The following SCAF8 variants were observed in gnomAD, a reference collection of about 807,000 sequenced individuals.
SCAF8 encodes the protein SR-related CTD associated factor 8.
A neutral mutation model predicts 140.5 loss-of-function variants in SCAF8; 23 were observed. The ratio of observed to expected loss-of-function variants is 0.16; its 90% CI spans 0.12 to 0.23. The LOEUF (loss-of-function observed/expected upper bound fraction) is 0.23, where lower values mean the gene tolerates loss of function less well. Among genes scored for constraint, SCAF8 ranks in the 10% least tolerant of loss-of-function variants. The pLI is 1.00. For synonymous variants in SCAF8, 575 were observed against 528.9 expected (o/e 1.09, Z -1.20); for missense variants, 1,397 against 1,555.7 (o/e 0.90, Z 1.72).
At chr6:154,798,934 G>A (rs931070292) in intron 6 of SCAF8, among the ~76,000 whole-genome samples, 1 of 150,758 alleles carries the variant, frequency 6.6e-6, no homozygotes, top group African/African-American at 2.4e-5. Context: ...CAAGTAGCTG[G>A]GACTACACCT....
Position 154,733,662 on chromosome 6 carries a change from C to G in SCAF8, c.-239C>G. 7.7e-7 allele frequency: 1 copy of G among 1,301,014 alleles called. No homozygotes were observed. Among genetic ancestry groups the G allele is most frequent in the Non-Finnish European group, 9.7e-7 (1 of 1,028,102 alleles). The allele number at this position is 1,301,014 out of a possible 1,614,324, so 80.6% of individuals were successfully genotyped here. ...CCGCCGACCCGCCCCGGCAGCGCCTCTGTTCCCTAGAACGGCGCTCCCCCC... is the reference window on the plus strand; with the variant it reads ...CCGCCGACCCGCCCCGGCAGCGCCTGTGTTCCCTAGAACGGCGCTCCCCCC... On this transcript the variant is annotated 5_prime_UTR_variant, in exon 1 of 20. Transcript: ENST00000367178.
chr6:154,757,900 T>G (rs1289211430), intron 1 of SCAF8, among the ~76,000 whole-genome samples: 2 of 151,552 alleles, frequency 1.3e-5, no homozygotes, highest in Non-Finnish European at 2.9e-5. Context: ...GTATGTGAAG[T>G]AAGTTTCACT....
Position 154,822,305 on chromosome 6 carries a change from G to A in SCAF8, c.1822G>A (p.Val608Ile), listed in dbSNP as rs763511935. The change falls in exon 16 of 20, where the codon GTT becomes ATT. Residue 608 changes from valine (V) to isoleucine (I), a missense_variant. Physicochemically the swap from Val to Ile is conservative, Grantham distance 29. This residue lies in a region of SCAF8 where 930 missense variants were observed against 874.6 expected (regional missense o/e 1.06). Coordinates refer to ENST00000367178, the MANE Select transcript of SCAF8 (RefSeq NM_014892.5). ...EWETVKSSEP[V>I]KETVQTTQSP... ...GGAAACTGTGAAAAGCTCAGAACCT[G>A]TTAAAGAGACGGTCCAGACAACTCA... The A allele has an allele frequency of 2.5e-6, 4 of 1,613,036 alleles. No homozygotes were observed. Among genetic ancestry groups the A allele is most frequent in the East Asian group, 4.5e-5 (2 of 44,880 alleles).
At position 154,832,268 on chromosome 6, in the gene SCAF8, C is replaced by G. The variant is rs745485641; in HGVS notation, c.2689C>G (p.Leu897Val). The G allele has an allele frequency of 1.2e-6, 2 of 1,614,010 alleles. No individual in the cohort carries two copies. The highest frequency in any genetic ancestry group is 2.7e-5 in the African/African-American group (2 of 74,904). The stretch of plus-strand genomic sequence containing the variant: ...AAATGTTCCAAATACTCCTGGACTT[C>G]TGGGAACACAGCCACCAGCTGGACC... ...PPNVPNTPGLLGTQPPAGPQN... is the reference protein window; with the variant it reads ...PPNVPNTPGLVGTQPPAGPQN... The change falls in exon 20 of 20, where the codon CTG becomes GTG. Residue 897 changes from leucine to valine, a missense_variant. Leu to Val is a conservative substitution (Grantham distance 32). This residue lies in a region of SCAF8 where 930 missense variants were observed against 874.6 expected (regional missense o/e 1.06). Coordinates refer to ENST00000367178, the MANE Select transcript of SCAF8 (RefSeq NM_014892.5).
At chr6:154,808,544 G>C in intron 10 of SCAF8, 142 bp from the exon 11 acceptor site, 1 of 603,984 alleles carries the variant, frequency 1.7e-6, no homozygotes, top group Admixed American at 2.9e-5. Flanking sequence ...TTCTAATGGG[G>C]CCCAGGGAAG....
In SCAF8 at chr6:154,807,965, G is replaced by T; in HGVS notation, c.982-105G>T. ...TAACATGGAATTTCTTTTATGTATG[G>T]CTCATGTTTTTAAACATGTAATTGT... is the stretch of plus-strand genomic sequence containing the variant. On this transcript the variant is annotated intron_variant, in intron 9 of 19. Coordinates refer to ENST00000367178, the MANE Select transcript of SCAF8 (RefSeq NM_014892.5). The T allele has an allele frequency of 8.3e-6, 8 of 964,826 alleles. No individual in the cohort carries two copies. In the South Asian group the frequency reaches 9.9e-5, roughly 12 times the overall value. The allele number at this position is 964,826 out of a possible 1,614,324, so 59.8% of individuals were successfully genotyped here.
chr6:154,810,919 G>A (rs896119508), intron 12 of SCAF8, among the ~76,000 whole-genome samples: 2 of 152,148 alleles, frequency 1.3e-5, no homozygotes, highest in African/African-American at 2.4e-5. Flanking sequence ...AACATTGATT[G>A]TGTTATCTAA....
At chr6:154,792,753 C>A in intron 4 of SCAF8, 70 bp from the exon 5 acceptor site, 1 of 1,048,914 alleles carries the variant, frequency 9.5e-7, no homozygotes, top group Non-Finnish European at 1.4e-6. Flanking sequence ...GCCCAGATAG[C>A]CTCTATGAAA....
intron 4 of SCAF8, among the ~76,000 whole-genome samples, chr6:154,788,325 G>A (rs1379412701): frequency 6.6e-6 from 1 of 152,168 alleles, no homozygotes; most frequent in Non-Finnish European, 1.5e-5. Flanking sequence ...GTGTGTAGTA[G>A]GCTATACCGT....
Position 154,832,167 on chromosome 6 carries a change from C to T in SCAF8, c.2588C>T (p.Ser863Leu), listed in dbSNP as rs1388140916. 1 of 1,614,078 alleles carries T rather than the reference C, an allele frequency of 6.2e-7. No individual in the cohort carries two copies. Among genetic ancestry groups the T allele is most frequent in the African/African-American group, 1.3e-5 (1 of 75,020 alleles). Residue 863 changes from serine to leucine, a missense_variant, in exon 20 of 20, where the codon TCA becomes TTA. Physicochemically the swap from Ser to Leu is moderately radical, Grantham distance 145. Transcript: ENST00000367178. ...GILGIQPPSV[S>L]NSSGLLGVLP... ...TTGGGAATACAGCCACCCAGTGTGTCAAATAGTTCTGGACTTTTGGGAGTG... is the reference window on the plus strand; with the variant it reads ...TTGGGAATACAGCCACCCAGTGTGTTAAATAGTTCTGGACTTTTGGGAGTG...
chr6:154,780,834 C>T (rs1202119139), intron 3 of SCAF8, among the ~76,000 whole-genome samples: 3 of 152,074 alleles, frequency 2.0e-5, no homozygotes, highest in African/African-American at 7.2e-5. Flanking sequence ...AGTAAACATA[C>T]GTGTGCATGC....
intron 1 of SCAF8, among the ~76,000 whole-genome samples, chr6:154,756,229 C>G: frequency 6.6e-6 from 1 of 152,274 alleles, no homozygotes; most frequent in East Asian, 1.9e-4. Flanking sequence ...AACAAAGATG[C>G]TCCGTCACCA....
At chr6:154,808,635 C>A in intron 10 of SCAF8, 51 bp from the exon 11 acceptor site, 1 of 1,139,198 alleles carries the variant, frequency 8.8e-7, no homozygotes, top group Non-Finnish European at 1.3e-6. Flanking sequence ...CAATGTATAA[C>A]TCTGTCTCAA....
chr6:154,733,774 A>G lies in SCAF8; in HGVS notation c.-127A>G. ...CCCTTCCACTCCGCCCCGAGGTCGC[A>G]GCGGCCCGCTCTCCCGCCAGCGCCC... On this transcript the variant is annotated 5_prime_UTR_variant, in exon 1 of 20. Transcript: ENST00000367178. 2 of 1,370,066 alleles carry G rather than the reference A, an allele frequency of 1.5e-6. No homozygotes were observed. Among genetic ancestry groups the G allele is most frequent in the Non-Finnish European group, 1.9e-6 (2 of 1,064,874 alleles). The allele number at this position is 1,370,066 out of a possible 1,614,324, so 84.9% of individuals were successfully genotyped here.
At chr6:154,737,681 A>C (rs1194910738) in intron 1 of SCAF8, among the ~76,000 whole-genome samples, 4 of 152,090 alleles carry the variant, frequency 2.6e-5, no homozygotes, top group African/African-American at 9.7e-5. Context: ...TGGCCCGGGC[A>C]ACAGTGCGAC....
intron 9 of SCAF8, among the ~76,000 whole-genome samples, chr6:154,807,117 T>G (rs1265578983): frequency 1.3e-5 from 2 of 152,202 alleles, no homozygotes; most frequent in African/African-American, 4.8e-5. Context: ...TTTATGTTTT[T>G]AATGGTCTCT....
chr6:154,790,662 C>G (rs961172955), intron 4 of SCAF8, among the ~76,000 whole-genome samples: 2 of 151,808 alleles, frequency 1.3e-5, no homozygotes, highest in Non-Finnish European at 2.9e-5. Flanking sequence ...AGGCGCCCAC[C>G]ACCACGCCTG....
intron 4 of SCAF8, among the ~76,000 whole-genome samples, chr6:154,788,774 A>G (rs1044078237): frequency 1.3e-5 from 2 of 152,224 alleles, no homozygotes; most frequent in African/African-American, 4.8e-5. Flanking sequence ...TATTCTATAA[A>G]TAGCAAGTAA....
intron 1 of SCAF8, among the ~76,000 whole-genome samples, chr6:154,770,023 G>A (rs567867326): frequency 2.6e-5 from 4 of 152,276 alleles, no homozygotes; most frequent in African/African-American, 9.6e-5. Context: ...AACTTGGTGA[G>A]AAGACGGGCA....
Sources: gnomAD v4.1 joint callset for allele counts (sites outside exome capture counted in the v4.1 genomes callset) on GRCh38, gnomAD v4.1.1 for gene constraint, gnomAD v4.1.1 regional missense constraint, MANE v1.5 for transcripts, NCBI Gene and HGNC (gene_info 2026-07-23, HGNC 2026-07-21) for gene names.